The following HMGB1 variants were observed in gnomAD, a reference collection of about 807,000 sequenced individuals.
HMGB1 encodes the protein high mobility group box 1.
For synonymous variants in HMGB1, 81 were observed against 84.0 expected (o/e 0.96, Z 0.19); for missense variants, 79 against 253.5 (o/e 0.31, Z 4.67).
At chr13:30,527,142 C>T (rs775399368) in intron 1 of HMGB1, among the ~76,000 whole-genome samples, 5 of 152,240 alleles carry the variant, frequency 3.3e-5, no homozygotes, top group African/African-American at 1.2e-4. Context: ...GGTGCTGAAC[C>T]TTCTCTCTCC....
At chr13:30,513,071 G>A (rs1313497210) in intron 1 of HMGB1, among the ~76,000 whole-genome samples, 1 of 152,130 alleles carries the variant, frequency 6.6e-6, no homozygotes, top group Non-Finnish European at 1.5e-5. Context: ...GCTGAGGCAG[G>A]AGAATTGCTT....
Position 30,462,688 on chromosome 13 carries a change from A to G in HMGB1, c.321T>C (p.Ser107=), listed in dbSNP as rs774313138. Reference sequence around the variant, plus strand: ...CTCCTTTGATTTTTGGGCGATACTCAGAGCAGAAGAGGAAGAAGGCCGAAC... The same window carrying G: ...CTCCTTTGATTTTTGGGCGATACTCGGAGCAGAAGAGGAAGAAGGCCGAAC... ...RPPSAFFLFC[S]EYRPKIKGEH... is the part of the protein sequence containing the mutation. Residue 107 remains serine (S), a synonymous_variant, in exon 4 of 5, where the codon TCT becomes TCC. Coordinates refer to ENST00000341423, the MANE Select transcript of HMGB1 (RefSeq NM_002128.7). The G allele has an allele frequency of 2.4e-5, 39 of 1,611,938 alleles. No homozygotes were observed. The African/African-American group carries it at 4.0e-4, about 17-fold the overall frequency.
At chr13:30,525,193 A>G (rs542090266) in intron 1 of HMGB1, among the ~76,000 whole-genome samples, 1 of 152,244 alleles carries the variant, frequency 6.6e-6, no homozygotes, top group Non-Finnish European at 1.5e-5. Flanking sequence ...CATTGAAAGC[A>G]TCTGATCATT....
At chr13:30,480,832 C>T (rs1024082981) in intron 1 of HMGB1, among the ~76,000 whole-genome samples, 1 of 151,834 alleles carries the variant, frequency 6.6e-6, no homozygotes, top group Admixed American at 6.6e-5. Flanking sequence ...GGGATTTATA[C>T]GTGCCAAATG....
At chr13:30,532,475 CT>C (rs1004783592) in intron 1 of HMGB1, among the ~76,000 whole-genome samples, 41 of 151,952 alleles carry the variant, frequency 2.7e-4, no homozygotes, top group African/African-American at 9.4e-4. Flanking sequence ...CATTATATTG[CT>C]ATGTCATAAT....
chr13:30,526,365 T>C lies in HMGB1; in HGVS notation c.-14-62671A>G, dbSNP rs79430729. Reference sequence around the variant, plus strand: ...AGCCACTACGCCTGGCCCAAACACATATTATATACCACAGACTTGTGAATT... The same window carrying C: ...AGCCACTACGCCTGGCCCAAACACACATTATATACCACAGACTTGTGAATT... On this transcript the variant is annotated intron_variant, in intron 1 of 4. Coordinates refer to the HMGB1 transcript ENST00000405805. 3.5e-3 allele frequency among the ~76,000 whole-genome samples: 538 copies of C among 152,308 alleles called. 2 individuals carry two copies. The highest frequency in any genetic ancestry group is 6.0e-3 in the Non-Finnish European group (411 of 68,012).
chr13:30,489,342 C>T (rs1439719580), intron 1 of HMGB1, among the ~76,000 whole-genome samples: 1 of 151,794 alleles, frequency 6.6e-6, no homozygotes, highest in African/African-American at 2.4e-5. Flanking sequence ...AACACATGAA[C>T]AAACAAAAAA....
intron 1 of HMGB1, among the ~76,000 whole-genome samples, chr13:30,516,132 T>C (rs1226996932): frequency 1.3e-5 from 2 of 152,188 alleles, no homozygotes; most frequent in Non-Finnish European, 2.9e-5. Context: ...CTCCCAAATA[T>C]ACTTACGACA....
intron 1 of HMGB1, among the ~76,000 whole-genome samples, chr13:30,511,586 G>A (rs1216828825): frequency 6.6e-6 from 1 of 152,120 alleles, no homozygotes; most frequent in Non-Finnish European, 1.5e-5. Flanking sequence ...TTCCTTTATG[G>A]CAATGGAAAA....
At chr13:30,464,359 A>G (rs1886572039) in intron 1 of HMGB1, 1 of 985,270 alleles carries the variant, frequency 1.0e-6, no homozygotes, top group Admixed American at 6.2e-5. Flanking sequence ...TCTCCGAGTA[A>G]ACAAGGATGA....
intron 1 of HMGB1, among the ~76,000 whole-genome samples, chr13:30,562,191 G>A (rs988447418): frequency 2.0e-5 from 3 of 151,940 alleles, no homozygotes; most frequent in Non-Finnish European, 2.9e-5. Flanking sequence ...CAGCTACTAG[G>A]GAGGCTGAGG....
intron 1 of HMGB1, among the ~76,000 whole-genome samples, chr13:30,538,769 C>T (rs1376593052): frequency 4.3e-5 from 4 of 92,594 alleles, no homozygotes; most frequent in Non-Finnish European, 9.2e-5. Context: ...CTCTTTCTCT[C>T]TCTCTTTCCT....
In HMGB1 at chr13:30,538,703, T is replaced by TTC. The variant is rs781657723; in HGVS notation, c.-14-75010_-14-75009insGA. Among the ~76,000 whole-genome samples, 1,101 of 115,266 alleles carry TTC rather than the reference T, an allele frequency of 9.6e-3. 41 individuals carry two copies. The highest frequency in any genetic ancestry group is 0.044 in the African/African-American group (1,040 of 23,700). The allele number at this position is 115,266 out of a possible 152,430, so 75.6% of individuals were successfully genotyped here. A position where few individuals can be genotyped will look rare whatever the true frequency, so the allele number is the denominator to read the frequency against. ...TTCTTTCCTTTCTTTCTTTCTTTCT[T>TTC]TTTCTTTCTTTCTTCTTTTTCTTTC... On this transcript the variant is annotated intron_variant, in intron 1 of 4. Transcript: ENST00000405805.
At chr13:30,462,745 T>A in intron 3 of HMGB1, 33 bp from the exon 4 acceptor site, 1 of 1,567,866 alleles carries the variant, frequency 6.4e-7, no homozygotes, top group Non-Finnish European at 8.8e-7. Flanking sequence ...GATTTTAAGT[T>A]AACAGATCAC....
chr13:30,532,898 G>A lies in HMGB1; in HGVS notation c.-14-69204C>T, dbSNP rs1888528964. Among the ~76,000 whole-genome samples the A allele has an allele frequency of 3.9e-5, 6 of 152,138 alleles. No homozygotes were observed. The South Asian group carries it at 1.2e-3, about 31-fold the overall frequency. Reference sequence around the variant, plus strand: ...TGCACATGAGTACTTCCACAGATGAGCTCCTAGAAGTAGAATACAGCTTGA... The same window carrying A: ...TGCACATGAGTACTTCCACAGATGAACTCCTAGAAGTAGAATACAGCTTGA... On this transcript the variant is annotated intron_variant, in intron 1 of 4. Coordinates refer to the HMGB1 transcript ENST00000405805.
At chr13:30,462,174 GA>G in intron 4 of HMGB1, among the ~76,000 whole-genome samples, 1 of 152,104 alleles carries the variant, frequency 6.6e-6, no homozygotes. Context: ...AATGTTTCAG[GA>G]TATGACTAAG....
intron 1 of HMGB1, among the ~76,000 whole-genome samples, chr13:30,487,406 A>T (rs1887389035): frequency 6.6e-6 from 1 of 152,230 alleles, no homozygotes; most frequent in Non-Finnish European, 1.5e-5. Flanking sequence ...GTGGTGATCG[A>T]ATGGGATGCT....
At chr13:30,490,346 G>A (rs938848225) in intron 1 of HMGB1, among the ~76,000 whole-genome samples, 6 of 152,078 alleles carry the variant, frequency 3.9e-5, no homozygotes, top group African/African-American at 9.7e-5. Flanking sequence ...TGGGCTGGGC[G>A]TGGTGGTTCA....
intron 1 of HMGB1, among the ~76,000 whole-genome samples, chr13:30,598,498 G>A (rs964918816): frequency 6.6e-6 from 1 of 152,208 alleles, no homozygotes; most frequent in Admixed American, 6.5e-5. Flanking sequence ...CTCTTCAACT[G>A]GCCTCCTCAT....
Sources: allele counts gnomAD v4.1 joint callset (sites outside exome capture counted in the v4.1 genomes callset), GRCh38; gene constraint gnomAD v4.1.1; transcripts MANE v1.5; gene names NCBI Gene and HGNC (gene_info 2026-07-23, HGNC 2026-07-21).